MTHFD2L: variants seen among roughly 807,000 people sequenced by gnomAD.
MTHFD2L encodes methylenetetrahydrofolate dehydrogenase (NADP+ dependent) 2 like, also known as bifunctional methylenetetrahydrofolate dehydrogenase/cyclohydrolase 2, mitochondrial.
Under a neutral mutation model 34.9 loss-of-function variants are expected in MTHFD2L, and 29 were observed. The observed-to-expected ratio is 0.83, with a 90% CI of 0.62 to 1.13. MTHFD2L has a LOEUF of 1.13. Ranked by LOEUF, MTHFD2L falls within the 50% of genes most tolerant of loss-of-function variation. The pLI is 0.00. For missense variants in MTHFD2L, 481 were observed against 446.5 expected, an observed-to-expected ratio of 1.08 and a Z score of -0.70; for synonymous variants, 167 against 155.7, an observed-to-expected ratio of 1.07 and a Z score of -0.54.
At chr4:74,166,851 C>T (rs745716039) in intron 1 of MTHFD2L, among the ~76,000 whole-genome samples, 32 of 152,304 alleles carry the variant, frequency 2.1e-4, no homozygotes, top group Admixed American at 1.4e-3. Flanking sequence ...AAGCCTATCC[C>T]CAGGGACCCA....
chr4:74,275,340 C>A (rs2110258442), intron 6 of MTHFD2L, among the ~76,000 whole-genome samples: 1 of 152,260 alleles, frequency 6.6e-6, no homozygotes, highest in South Asian at 2.1e-4. Flanking sequence ...TTTATCCAGT[C>A]CATCATTGAT....
At chr4:74,199,301 A>T (rs1054411181) in intron 3 of MTHFD2L, among the ~76,000 whole-genome samples, 1 of 151,852 alleles carries the variant, frequency 6.6e-6, no homozygotes, top group African/African-American at 2.4e-5. Flanking sequence ...TTTATATTAG[A>T]TTTTTTGTTA....
chr4:74,184,976 C>T (rs1222054875), intron 3 of MTHFD2L, among the ~76,000 whole-genome samples: 4 of 151,182 alleles, frequency 2.6e-5, no homozygotes, highest in East Asian at 1.9e-4. Flanking sequence ...GGTGAAACCC[C>T]GTCTCTACTA....
chr4:74,196,304 G>T (rs542347529), intron 3 of MTHFD2L, among the ~76,000 whole-genome samples: 27 of 152,140 alleles, frequency 1.8e-4, no homozygotes, highest in Non-Finnish European at 2.8e-4. Flanking sequence ...AGGATTAGTA[G>T]TGAAAAAAAT....
intron 3 of MTHFD2L, among the ~76,000 whole-genome samples, chr4:74,186,050 T>C (rs957498114): frequency 5.3e-5 from 8 of 152,122 alleles, no homozygotes; most frequent in African/African-American, 1.9e-4. Context: ...TGTGTTTTCT[T>C]TCAGGAATCC....
chr4:74,227,365 G>A (rs944788616), intron 6 of MTHFD2L, among the ~76,000 whole-genome samples: 1 of 151,690 alleles, frequency 6.6e-6, no homozygotes, highest in Admixed American at 6.6e-5. Flanking sequence ...AACAGCTTTT[G>A]TTTTTATCTT....
intron 6 of MTHFD2L, among the ~76,000 whole-genome samples, chr4:74,265,355 C>A (rs1485981019): frequency 2.0e-5 from 3 of 152,132 alleles, no homozygotes; most frequent in Non-Finnish European, 4.4e-5. Context: ...CATACAGGCC[C>A]AGATATGACC....
At position 74,281,413 on chromosome 4, in the gene MTHFD2L, T is replaced by G; in HGVS notation, c.806-12T>G. ...GTTATGCTGAAGGACAAACAACTCTTTTTGTTTTCAGGTATTCCAAAGTTG... is the reference window on the plus strand; with the variant it reads ...GTTATGCTGAAGGACAAACAACTCTGTTTGTTTTCAGGTATTCCAAAGTTG... On this transcript the variant is annotated splice_polypyrimidine_tract_variant and intron_variant, in intron 6 of 7. Coordinates refer to ENST00000325278, the MANE Select transcript of MTHFD2L (RefSeq NM_001144978.3). 6.2e-7 allele frequency: 1 copy of G among 1,609,112 alleles called. No individual in the cohort carries two copies. The highest frequency in any genetic ancestry group is 1.1e-5 in the South Asian group (1 of 90,260).
intron 5 of MTHFD2L, among the ~76,000 whole-genome samples, chr4:74,213,784 A>G (rs2110090008): frequency 1.3e-5 from 2 of 152,278 alleles, no homozygotes; most frequent in East Asian, 3.9e-4. Context: ...TCTCCTGGAT[A>G]ATATCCTGAA....
intron 3 of MTHFD2L, chr4:74,190,389 T>A (rs1359724845): frequency 1.3e-6 from 1 of 785,766 alleles, no homozygotes; most frequent in Admixed American, 6.2e-5. Flanking sequence ...ACTTCATTAA[T>A]TTTTATTTTT....
At chr4:74,167,975 G>C (rs1244727291) in intron 1 of MTHFD2L, among the ~76,000 whole-genome samples, 1 of 152,054 alleles carries the variant, frequency 6.6e-6, no homozygotes, top group Non-Finnish European at 1.5e-5. Context: ...AATAGATTCA[G>C]AATCAGACTA....
At chr4:74,193,804 ATTGT>A (rs1309762797) in intron 3 of MTHFD2L, among the ~76,000 whole-genome samples, 1 of 152,102 alleles carries the variant, frequency 6.6e-6, no homozygotes, top group Non-Finnish European at 1.5e-5. Flanking sequence ...AGTTCTATTA[ATTGT>A]TTTATAAATT....
intron 6 of MTHFD2L, among the ~76,000 whole-genome samples, chr4:74,278,291 A>G (rs10518121): frequency 0.09 from 13,639 of 152,146 alleles, 833 homozygotes; most frequent in Middle Eastern, 0.15. Context: ...TCTGGAGACC[A>G]TCTTAGTTTT....
intron 6 of MTHFD2L, among the ~76,000 whole-genome samples, chr4:74,237,218 A>G (rs1483994821): frequency 6.6e-6 from 1 of 152,204 alleles, no homozygotes; most frequent in Non-Finnish European, 1.5e-5. Flanking sequence ...CACTGGAGTG[A>G]AATCCACTGT....
exon 1 of MTHFD2L, chr4:74,125,467 T>C (rs1722003081): frequency 6.6e-6 from 1 of 152,202 alleles, no homozygotes; most frequent in African/African-American, 2.4e-5. Flanking sequence ...AAGAGACCTC[T>C]GCCTGAACAT....
At chr4:74,115,387 C>A (rs377675173) in intron 2 of MTHFD2L, among the ~76,000 whole-genome samples, 2 of 152,204 alleles carry the variant, frequency 1.3e-5, no homozygotes, top group Non-Finnish European at 1.5e-5. Flanking sequence ...AATACTACAG[C>A]CAGTGTTCTT....
intron 3 of MTHFD2L, among the ~76,000 whole-genome samples, chr4:74,197,043 G>A (rs932492095): frequency 6.6e-6 from 1 of 151,718 alleles, no homozygotes; most frequent in Non-Finnish European, 1.5e-5. Context: ...TTATTACAGT[G>A]GTTCAGATTT....
chr4:74,222,243 T>C (rs933279586), intron 5 of MTHFD2L, among the ~76,000 whole-genome samples: 3 of 152,104 alleles, frequency 2.0e-5, no homozygotes, highest in Non-Finnish European at 4.4e-5. Flanking sequence ...TCTGTTTTGT[T>C]CTGCTATAGC....
upstream of MTHFD2L, among the ~76,000 whole-genome samples, chr4:74,154,541 TAC>T (rs1383804844): frequency 1.3e-5 from 2 of 152,182 alleles, no homozygotes; most frequent in Admixed American, 1.3e-4. Flanking sequence ...AATCCAACAC[TAC>T]TTTATTTTAC....
Sources: allele counts gnomAD v4.1 joint callset (sites outside exome capture counted in the v4.1 genomes callset), GRCh38; gene constraint gnomAD v4.1.1; transcripts MANE v1.5; gene names NCBI Gene and HGNC (gene_info 2026-07-23, HGNC 2026-07-21).